ITGBL1: variants seen among roughly 807,000 people sequenced by gnomAD.
The protein encoded by ITGBL1 is integrin subunit beta like 1, also known as integrin beta-like protein 1.
A neutral mutation model predicts 68.5 loss-of-function variants in ITGBL1; 51 were observed. The observed-to-expected ratio is 0.74, with a 90% confidence interval of 0.59 to 0.94. The LOEUF is 0.94. Among genes scored for constraint, ITGBL1 ranks in the 40% least tolerant of loss-of-function variants. The pLI is 0.00. For synonymous variants in ITGBL1, 209 were observed against 227.3 expected (o/e 0.92, Z 0.72); for missense variants, 649 against 647.4 (o/e 1.00, Z -0.03).
At chr13:101,666,514 T>TC (rs2033222223) in intron 7 of ITGBL1, among the ~76,000 whole-genome samples, 1 of 151,608 alleles carries the variant, frequency 6.6e-6, no homozygotes, top group African/African-American at 2.4e-5. Context: ...AGGCATGTTT[T>TC]TTTTTTCTCG....
chr13:101,575,595 A>T, intron 4 of ITGBL1, 49 bp downstream of exon 4: 1 of 1,571,712 alleles, frequency 6.4e-7, no homozygotes, highest in Non-Finnish European at 8.7e-7. Flanking sequence ...TGTTTTTTTC[A>T]CCTATTTCAT....
intron 2 of ITGBL1, among the ~76,000 whole-genome samples, chr13:101,508,307 A>C (rs1335557789): frequency 6.6e-6 from 1 of 152,212 alleles, no homozygotes; most frequent in East Asian, 1.9e-4. Context: ...CAAAAGTTGT[A>C]CATTTAGTTT....
chr13:101,696,030 ACTT>A (rs1466891635), intron 8 of ITGBL1, among the ~76,000 whole-genome samples: 5 of 152,130 alleles, frequency 3.3e-5, no homozygotes, highest in African/African-American at 1.2e-4. Context: ...TGGGCGTGCG[ACTT>A]CTTCTAAGCC....
chr13:101,583,195 A>G (rs1370754388), intron 5 of ITGBL1, 21 bp from the exon 6 acceptor site: 1 of 1,610,052 alleles, frequency 6.2e-7, no homozygotes, highest in Admixed American at 1.7e-5. Context: ...GGATTCTTAT[A>G]AAATTCTTCT....
intron 7 of ITGBL1, among the ~76,000 whole-genome samples, chr13:101,612,569 A>AC (rs1566758044): frequency 1.9e-4 from 5 of 25,934 alleles, no homozygotes; most frequent in Non-Finnish European, 9.6e-4. Context: ...TAATGTAATT[A>AC]TAAAAAAAAA....
chr13:101,681,193 G>A (rs543861361), intron 7 of ITGBL1, among the ~76,000 whole-genome samples: 11 of 152,146 alleles, frequency 7.2e-5, no homozygotes, highest in African/African-American at 2.7e-4. Context: ...TGTTCTCTAT[G>A]TGGGGTAGTT....
intron 2 of ITGBL1, among the ~76,000 whole-genome samples, chr13:101,518,772 T>G (rs1349140262): frequency 6.6e-6 from 1 of 152,222 alleles, no homozygotes; most frequent in Non-Finnish European, 1.5e-5. Context: ...TTAATTACAT[T>G]CTTACTATGT....
intron 7 of ITGBL1, among the ~76,000 whole-genome samples, chr13:101,663,560 C>A (rs950193733): frequency 6.6e-6 from 1 of 152,168 alleles, no homozygotes; most frequent in Non-Finnish European, 1.5e-5. Context: ...TCCACCATTT[C>A]TTGTGCATAT....
chr13:101,464,792 A>G (rs1214068519), intron 2 of ITGBL1, among the ~76,000 whole-genome samples: 1 of 152,176 alleles, frequency 6.6e-6, no homozygotes, highest in Non-Finnish European at 1.5e-5. Flanking sequence ...GTTTGTATAT[A>G]TGTGTGAGTC....
At chr13:101,621,203 A>G (rs193034313) in intron 7 of ITGBL1, among the ~76,000 whole-genome samples, 110 of 152,304 alleles carry the variant, frequency 7.2e-4, no homozygotes, top group African/African-American at 2.2e-3. Flanking sequence ...TTGAATAAAT[A>G]GCTTTGTACA....
chr13:101,569,025 A>AACACACACACACACAC (rs112814235), intron 3 of ITGBL1, among the ~76,000 whole-genome samples: 10 of 103,728 alleles, frequency 9.6e-5, no homozygotes, highest in East Asian at 3.4e-4. Context: ...CACCCCTCCA[A>AACACACACACACACAC]ACACACACAC....
intron 7 of ITGBL1, among the ~76,000 whole-genome samples, chr13:101,637,579 C>G (rs1284301519): frequency 3.9e-5 from 6 of 152,100 alleles, no homozygotes; most frequent in East Asian, 1.9e-4. Context: ...TCCTGATCTC[C>G]TGATTCACCC....
intron 2 of ITGBL1, among the ~76,000 whole-genome samples, chr13:101,533,379 G>C (rs966712030): frequency 1.3e-5 from 2 of 152,174 alleles, no homozygotes; most frequent in African/African-American, 4.8e-5. Flanking sequence ...TTGCAACCCA[G>C]GGATTGGACC....
intron 7 of ITGBL1, among the ~76,000 whole-genome samples, chr13:101,644,321 T>C (rs1279418742): frequency 1.3e-5 from 2 of 152,198 alleles, no homozygotes; most frequent in East Asian, 3.8e-4. Flanking sequence ...TCAGGCTCAA[T>C]TTTATCCTTT....
At chr13:101,595,488 A>G (rs9518459) in intron 6 of ITGBL1, among the ~76,000 whole-genome samples, 16,390 of 147,412 alleles carry the variant, frequency 0.11, 1,527 homozygotes, top group African/African-American at 0.25. Context: ...TATCTAACTC[A>G]TACAACTCAA....
At chr13:101,552,725 G>T (rs1594886007) in intron 2 of ITGBL1, among the ~76,000 whole-genome samples, 1 of 152,256 alleles carries the variant, frequency 6.6e-6, no homozygotes, top group East Asian at 1.9e-4. Flanking sequence ...ATAAATGTTT[G>T]TTAATTTTGA....
At chr13:101,550,659 A>T (rs189768402) in intron 2 of ITGBL1, among the ~76,000 whole-genome samples, 1 of 152,196 alleles carries the variant, frequency 6.6e-6, no homozygotes, top group Non-Finnish European at 1.5e-5. Flanking sequence ...TCCAAGATAT[A>T]TTGTAGGTGG....
At chr13:101,689,115 G>C (rs1397238958) in intron 7 of ITGBL1, among the ~76,000 whole-genome samples, 1 of 149,266 alleles carries the variant, frequency 6.7e-6, no homozygotes, top group Non-Finnish European at 1.5e-5. Context: ...TGAGGCAAGA[G>C]AATTGCTTGA....
intron 10 of ITGBL1, 25 bp from the exon 11 acceptor site, chr13:101,715,538 G>A (rs9518501): frequency 0.2 from 296,922 of 1,502,556 alleles, 32,370 homozygotes; most frequent in Admixed American, 0.31. Flanking sequence ...TCATAATCAT[G>A]ATACCTATAT....
Sources: allele counts gnomAD v4.1 joint callset (sites outside exome capture counted in the v4.1 genomes callset), GRCh38; gene constraint gnomAD v4.1.1; transcripts MANE v1.5; gene names NCBI Gene and HGNC (gene_info 2026-07-23, HGNC 2026-07-21).